The following PPFIA2 variants were observed in gnomAD, a reference collection of about 807,000 sequenced individuals.
PPFIA2 encodes the protein liprin-alpha-2.
PPFIA2 carries 46 observed loss-of-function variants against 175.5 expected under a neutral mutation model. That is an observed-to-expected ratio of 0.26 (90% CI 0.21 to 0.34). The LOEUF (loss-of-function observed/expected upper bound fraction) is 0.34. Ranked by LOEUF, PPFIA2 falls within the 10% of genes least tolerant of loss-of-function variation. The probability of loss-of-function intolerance (pLI) is 1.00; values close to 1 mark genes in which losing one functional copy is unlikely to be tolerated. For missense variants in PPFIA2, 1,179 were observed against 1,506.1 expected (o/e 0.78, Z 3.60); for synonymous variants, 568 against 511.4 (o/e 1.11, Z -1.49).
intron 3 of PPFIA2, among the ~76,000 whole-genome samples, chr12:81,680,857 C>A (rs150726612): frequency 2.2e-3 from 340 of 152,000 alleles, no homozygotes; most frequent in Non-Finnish European, 3.9e-3. Flanking sequence ...AAGTGAGGTG[C>A]CTATAGTGCA....
At chr12:81,733,763 T>A (rs904722092) in intron 3 of PPFIA2, among the ~76,000 whole-genome samples, 1 of 151,754 alleles carries the variant, frequency 6.6e-6, no homozygotes, top group Non-Finnish European at 1.5e-5. Context: ...TTCTATCACA[T>A]AGAAGTGTAA....
intron 4 of PPFIA2, among the ~76,000 whole-genome samples, chr12:81,473,940 C>T (rs1457139826): frequency 6.6e-6 from 1 of 151,986 alleles, no homozygotes; most frequent in Non-Finnish European, 1.5e-5. Context: ...AATAATGTTA[C>T]CTGGGAAAAT....
rs948656920 is a variant in PPFIA2 at position 81,664,421 on chromosome 12, CAA to C, written c.303+12368_303+12369del. On this transcript the variant is annotated intron_variant, in intron 4 of 32. Transcript: ENST00000549396. Reference sequence around the variant, plus strand: ...TCTCAAAAGAAGACATTTATGCAGCCAAAAGACACATGAAAAAATGCTCATCA... The same window carrying C: ...TCTCAAAAGAAGACATTTATGCAGCCAAGACACATGAAAAAATGCTCATCA... Among the ~76,000 whole-genome samples, 4 of 151,978 alleles carry C rather than the reference CAA, an allele frequency of 2.6e-5. 1 individual carries two copies. Among genetic ancestry groups the C allele is most frequent in the African/African-American group, 9.7e-5 (4 of 41,302 alleles).
At chr12:81,652,674 C>T (rs2067197669) in intron 4 of PPFIA2, among the ~76,000 whole-genome samples, 2 of 152,050 alleles carry the variant, frequency 1.3e-5, no homozygotes, top group Admixed American at 1.3e-4. Flanking sequence ...CATTTTTCCT[C>T]TAATTTGCTT....
At chr12:81,744,420 C>CTTT (rs1167414059) in intron 3 of PPFIA2, among the ~76,000 whole-genome samples, 8 of 118,944 alleles carry the variant, frequency 6.7e-5, no homozygotes, top group Non-Finnish European at 1.3e-4. Flanking sequence ...GAAATGCTTT[C>CTTT]TTTTTTTTTT....
chr12:81,679,530 T>C (rs2073206055), intron 3 of PPFIA2, among the ~76,000 whole-genome samples: 1 of 151,900 alleles, frequency 6.6e-6, no homozygotes, highest in Non-Finnish European at 1.5e-5. Flanking sequence ...TTTGTGATTA[T>C]CATGTCTTGA....
intron 22 of PPFIA2, among the ~76,000 whole-genome samples, chr12:81,320,851 GA>G (rs2053508127): frequency 1.3e-5 from 2 of 151,982 alleles, no homozygotes; most frequent in Non-Finnish European, 2.9e-5. Context: ...TTTAATCCCA[GA>G]AGTTTCTATA....
intron 4 of PPFIA2, among the ~76,000 whole-genome samples, chr12:81,616,224 T>C (rs2061416061): frequency 6.6e-6 from 1 of 152,152 alleles, no homozygotes; most frequent in African/African-American, 2.4e-5. Context: ...ATCTGTATCA[T>C]GATGTGAGCA....
At position 81,339,339 on chromosome 12, in the gene PPFIA2, A is replaced by G. The variant is rs771554654; in HGVS notation, c.2394-5T>C. On this transcript the variant is annotated splice_region_variant and splice_polypyrimidine_tract_variant and intron_variant, in intron 20 of 32. Transcript: ENST00000549396. ...TCAAGAGAGACAGATAAACTACTGCAAAACACAAAAGAGGAAAATACATGC... is the reference window on the plus strand; with the variant it reads ...TCAAGAGAGACAGATAAACTACTGCGAAACACAAAAGAGGAAAATACATGC... 1.3e-6 allele frequency: 2 copies of G among 1,564,112 alleles called. No individual in the cohort carries two copies. Among genetic ancestry groups the G allele is most frequent in the Admixed American group, 2.0e-5 (1 of 50,226 alleles).
At chr12:81,630,579 A>C (rs2063257377) in intron 4 of PPFIA2, among the ~76,000 whole-genome samples, 1 of 152,134 alleles carries the variant, frequency 6.6e-6, no homozygotes, top group South Asian at 2.1e-4. Flanking sequence ...GGACTCTGAT[A>C]TAATCAGCTT....
intron 4 of PPFIA2, among the ~76,000 whole-genome samples, chr12:81,598,552 G>A (rs2059487771): frequency 6.6e-6 from 1 of 151,556 alleles, no homozygotes; most frequent in African/African-American, 2.4e-5. Context: ...ACAAATTGCT[G>A]TTTTATCACT....
chr12:81,344,796 T>C, intron 18 of PPFIA2, 103 bp from the exon 19 acceptor site: 1 of 815,554 alleles, frequency 1.2e-6, no homozygotes, highest in Non-Finnish European at 1.9e-6. Flanking sequence ...TGACTATCAT[T>C]TTTTTCTTCA....
intron 4 of PPFIA2, among the ~76,000 whole-genome samples, chr12:81,491,390 C>T (rs1266433995): frequency 1.3e-5 from 2 of 151,874 alleles, no homozygotes; most frequent in Non-Finnish European, 2.9e-5. Flanking sequence ...AAAAGTCACC[C>T]CACCATTTGA....
intron 30 of PPFIA2, among the ~76,000 whole-genome samples, chr12:81,265,749 T>A (rs1164580954): frequency 6.6e-6 from 1 of 152,216 alleles, no homozygotes; most frequent in African/African-American, 2.4e-5. Context: ...AGTTCATTAC[T>A]ATTAAGAAGC....
Position 81,406,210 on chromosome 12 carries a change from T to C in PPFIA2, c.646-307A>G, listed in dbSNP as rs930759169. Among the ~76,000 whole-genome samples the C allele has an allele frequency of 4.6e-5, 7 of 152,180 alleles. No homozygotes were observed. The South Asian group carries it at 6.2e-4, about 13-fold the overall frequency. ...CAATGATATATTTGTATTCACGTGA[T>C]GTTAATTCAGAAATTATTTTTTAAA... On this transcript the variant is annotated intron_variant, in intron 7 of 32. Coordinates refer to ENST00000549396, the MANE Select transcript of PPFIA2 (RefSeq NM_003625.5).
intron 4 of PPFIA2, among the ~76,000 whole-genome samples, chr12:81,467,273 A>G (rs1466855801): frequency 6.6e-6 from 1 of 152,194 alleles, no homozygotes; most frequent in Non-Finnish European, 1.5e-5. Flanking sequence ...TTGCTGATCA[A>G]AAATTTACAT....
intron 3 of PPFIA2, among the ~76,000 whole-genome samples, chr12:81,746,422 T>C (rs1313388296): frequency 6.9e-6 from 1 of 143,938 alleles, no homozygotes; most frequent in Admixed American, 7.4e-5. Flanking sequence ...TTATTGGTGA[T>C]AGCGAACATT....
At chr12:81,537,567 T>C (rs1190724328) in intron 4 of PPFIA2, among the ~76,000 whole-genome samples, 1 of 151,848 alleles carries the variant, frequency 6.6e-6, no homozygotes, top group Non-Finnish European at 1.5e-5. Context: ...GACCACTTAC[T>C]CATCTAACCT....
intron 7 of PPFIA2, among the ~76,000 whole-genome samples, chr12:81,414,279 T>C (rs185969371): frequency 6.6e-6 from 1 of 151,846 alleles, no homozygotes; most frequent in Admixed American, 6.6e-5. Flanking sequence ...TGTGGTCTGA[T>C]TGCAGGGGGC....
Sources: allele counts gnomAD v4.1 joint callset (sites outside exome capture counted in the v4.1 genomes callset), GRCh38; gene constraint gnomAD v4.1.1; transcripts MANE v1.5; gene names NCBI Gene and HGNC (gene_info 2026-07-23, HGNC 2026-07-21).